The following IL23R variants were observed in gnomAD, a reference collection of about 807,000 sequenced individuals.
IL23R encodes the protein interleukin-23 receptor.
A neutral mutation model predicts 56.9 loss-of-function variants in IL23R; 34 were observed. That is an observed-to-expected ratio of 0.60 (90% CI 0.45 to 0.80). The LOEUF is 0.80. Among genes scored for constraint, IL23R ranks in the 30% least tolerant of loss-of-function variants. The pLI, the probability that IL23R is intolerant of heterozygous loss-of-function variation, is 0.00. For missense variants in IL23R, 635 were observed against 730.0 expected (o/e 0.87, Z 1.50); for synonymous variants, 230 against 249.2 (o/e 0.92, Z 0.73).
At chr1:67,230,188 C>T (rs1465643188) in intron 7 of IL23R, among the ~76,000 whole-genome samples, 1 of 152,232 alleles carries the variant, frequency 6.6e-6, no homozygotes, top group Admixed American at 6.5e-5. Flanking sequence ...CCTATGTCAA[C>T]CCTTCAACAT....
chr1:67,264,409 AT>A, downstream of IL23R, among the ~76,000 whole-genome samples: 1 of 152,342 alleles, frequency 6.6e-6, no homozygotes, highest in Middle Eastern at 3.4e-3. Context: ...AATTATACCA[AT>A]TATAGAAGAT....
intron 7 of IL23R, among the ~76,000 whole-genome samples, chr1:67,234,209 A>G (rs1212262460): frequency 6.6e-6 from 1 of 152,170 alleles, no homozygotes; most frequent in Non-Finnish European, 1.5e-5. Flanking sequence ...GAAGAATGTA[A>G]TCTACATAGC....
chr1:67,214,823 G>A (rs1433129114), intron 6 of IL23R, among the ~76,000 whole-genome samples: 1 of 152,196 alleles, frequency 6.6e-6, no homozygotes, highest in Non-Finnish European at 1.5e-5. Context: ...CAACAAGGAA[G>A]TAAAAGCAAA....
chr1:67,214,843 C>T (rs763887440), intron 6 of IL23R, among the ~76,000 whole-genome samples: 7 of 152,186 alleles, frequency 4.6e-5, no homozygotes, highest in Non-Finnish European at 5.9e-5. Context: ...AGACAGGCAA[C>T]CCAGCACCAG....
intron 5 of IL23R, among the ~76,000 whole-genome samples, chr1:67,205,918 T>TCTTTCTTTCTTTCTTTTC (rs1649002353): frequency 6.9e-6 from 1 of 145,930 alleles, no homozygotes. Context: ...TTTCTTTCTT[T>TCTTTCTTTCTTTCTTTTC]CTTTCTTTTT....
At chr1:67,166,077 A>G (rs1336505737), upstream of IL23R, among the ~76,000 whole-genome samples, 3 of 152,258 alleles carry the variant, frequency 2.0e-5, no homozygotes, top group Non-Finnish European at 4.4e-5. Context: ...CAAATTGTAG[A>G]ATTTTATTCA....
At chr1:67,210,742 G>A (rs1203449195) in intron 6 of IL23R, among the ~76,000 whole-genome samples, 1 of 152,030 alleles carries the variant, frequency 6.6e-6, no homozygotes, top group African/African-American at 2.4e-5. Context: ...CAAAGTGCTA[G>A]GATTACAAGC....
At chr1:67,228,019 T>TC (rs1453689881) in intron 7 of IL23R, among the ~76,000 whole-genome samples, 2 of 74,816 alleles carry the variant, frequency 2.7e-5, no homozygotes, top group South Asian at 3.1e-4. Flanking sequence ...TCTTTCTTTC[T>TC]TCCTTTCTTT....
At chr1:67,160,352 G>C (rs1646807574) in intron 1 of IL23R, among the ~76,000 whole-genome samples, 1 of 152,198 alleles carries the variant, frequency 6.6e-6, no homozygotes, top group Admixed American at 6.5e-5. Flanking sequence ...TTGAAGTTTG[G>C]AGAGAAGTGT....
chr1:67,164,631 CAAAATAAAATAAAATAAAAT>C (rs10645092), upstream of IL23R, among the ~76,000 whole-genome samples: 7 of 106,978 alleles, frequency 6.5e-5, no homozygotes, highest in African/African-American at 1.8e-4. Flanking sequence ...AACTCTGTCA[CAAAATAAAATAAAATAAAAT>C]AAAATAAAAT....
rs1230477109 is a variant in IL23R, at chr1:67,219,745, A to G, written c.955+15A>G. On this transcript the variant is annotated intron_variant, in intron 7 of 10. Transcript: ENST00000347310. ...ACCTGAAACAGGTGAGTGTACTTAT[A>G]TATTTTATTCTGTTGGGCTTTTCTT... 1.2e-6 allele frequency: 2 copies of G among 1,610,134 alleles called. No homozygotes were observed. Among genetic ancestry groups the G allele is most frequent in the African/African-American group, 1.3e-5 (1 of 74,842 alleles).
intron 8 of IL23R, among the ~76,000 whole-genome samples, chr1:67,237,741 C>T (rs934888881): frequency 2.0e-5 from 3 of 152,254 alleles, no homozygotes; most frequent in South Asian, 2.1e-4. Flanking sequence ...ATAGAAATTT[C>T]GAGTTGAAAA....
intron 6 of IL23R, among the ~76,000 whole-genome samples, chr1:67,219,140 G>A (rs948744383): frequency 6.6e-6 from 1 of 152,054 alleles, no homozygotes; most frequent in African/African-American, 2.4e-5. Context: ...GCCAAGGTGG[G>A]CGGATCACTT....
chr1:67,213,738 A>G (rs1393109627), intron 6 of IL23R, among the ~76,000 whole-genome samples: 1 of 152,222 alleles, frequency 6.6e-6, no homozygotes, highest in Non-Finnish European at 1.5e-5. Flanking sequence ...ATTACAATCT[A>G]TGATGTTCGT....
chr1:67,166,877 G>C (rs75296090), intron 1 of IL23R, among the ~76,000 whole-genome samples: 1 of 152,036 alleles, frequency 6.6e-6, no homozygotes, highest in Non-Finnish European at 1.5e-5. Context: ...TATTTTATGC[G>C]ATATGATGAG....
chr1:67,165,872 A>G (rs74082140), upstream of IL23R, among the ~76,000 whole-genome samples: 174 of 152,356 alleles, frequency 1.1e-3, no homozygotes, highest in African/African-American at 4.0e-3. Context: ...AAGATGAGTA[A>G]GTTCAGGAGA....
intron 6 of IL23R, among the ~76,000 whole-genome samples, chr1:67,209,937 T>C (rs982651980): frequency 1.3e-5 from 2 of 152,242 alleles, no homozygotes; most frequent in African/African-American, 4.8e-5. Flanking sequence ...GTGAAATTTA[T>C]ATCAGTGATC....
intron 7 of IL23R, among the ~76,000 whole-genome samples, chr1:67,230,932 A>G (rs1364265212): frequency 6.6e-6 from 1 of 152,212 alleles, no homozygotes; most frequent in Non-Finnish European, 1.5e-5. Flanking sequence ...AAGTGCTGTG[A>G]AACAGCTGAA....
At chr1:67,243,728 G>A (rs1652010317) in intron 9 of IL23R, among the ~76,000 whole-genome samples, 1 of 152,086 alleles carries the variant, frequency 6.6e-6, no homozygotes, top group Non-Finnish European at 1.5e-5. Context: ...ATTTGGGTTG[G>A]TTCCAAATCT....
Sources: gnomAD v4.1 joint callset for allele counts (sites outside exome capture counted in the v4.1 genomes callset) on GRCh38, gnomAD v4.1.1 for gene constraint, MANE v1.5 for transcripts, NCBI Gene and HGNC (gene_info 2026-07-23, HGNC 2026-07-21) for gene names.